Variants in TENM4 observed in about 807,000 individuals in gnomAD.
TENM4 encodes the protein teneurin-4.
Under a neutral mutation model 243.3 loss-of-function variants are expected in TENM4, and 82 were observed. The ratio of observed to expected loss-of-function variants is 0.34; its 90% CI spans 0.28 to 0.40. TENM4 has a LOEUF of 0.40. Among genes scored for constraint, TENM4 ranks in the 10% least tolerant of loss-of-function variants. TENM4 has a pLI of 1.00. For synonymous variants in TENM4, 1,412 were observed against 1,456.3 expected (o/e 0.97, Z 0.69); for missense variants, 3,138 against 3,673.3 (o/e 0.85, Z 3.77).
At chr11:78,962,316 G>C (rs1411741379) in intron 6 of TENM4, 1 of 3,034 alleles carries the variant, frequency 3.3e-4, no homozygotes, top group Non-Finnish European at 7.9e-4. Context: ...CTGCTCAATA[G>C]GGGTTGATGA....
Position 79,132,878 on chromosome 11 carries a change from A to G in TENM4, c.-66+15832T>C, listed in dbSNP as rs192705030. On this transcript the variant is annotated intron_variant, in intron 4 of 33. Transcript: ENST00000278550. Reference sequence around the variant, plus strand: ...AAGAGGAAAGTTCATAGCCCTAAACACCTACATCAAAAAACACTGAAAGAG... The same window carrying G: ...AAGAGGAAAGTTCATAGCCCTAAACGCCTACATCAAAAAACACTGAAAGAG... Among the ~76,000 whole-genome samples, 484 of 152,188 alleles carry G rather than the reference A, an allele frequency of 3.2e-3. 2 individuals are homozygous for G. Among genetic ancestry groups the G allele is most frequent in the African/African-American group, 0.011 (461 of 41,554 alleles).
intron 12 of TENM4, among the ~76,000 whole-genome samples, chr11:78,825,081 T>C (rs1303570180): frequency 6.6e-6 from 1 of 152,234 alleles, no homozygotes; most frequent in Non-Finnish European, 1.5e-5. Flanking sequence ...CAAGTCTCTA[T>C]TGACTCCACT....
intron 1 of TENM4, among the ~76,000 whole-genome samples, chr11:79,398,441 CCTG>C (rs1392670202): frequency 6.6e-6 from 1 of 152,010 alleles, no homozygotes; most frequent in Non-Finnish European, 1.5e-5. Context: ...ACTGCATGAC[CCTG>C]GGCAGACCAT....
At chr11:79,270,250 C>T (rs1024487972) in intron 2 of TENM4, among the ~76,000 whole-genome samples, 3 of 152,150 alleles carry the variant, frequency 2.0e-5, no homozygotes, top group African/African-American at 7.2e-5. Context: ...GTGTAACTGG[C>T]ACTTAGCACT....
intron 23 of TENM4, among the ~76,000 whole-genome samples, chr11:78,725,555 C>T (rs961986259): frequency 6.6e-6 from 1 of 152,206 alleles, no homozygotes; most frequent in Non-Finnish European, 1.5e-5. Flanking sequence ...TTGCTGTTCC[C>T]TTCATGTCAT....
chr11:79,322,098 A>T (rs1327015910), intron 1 of TENM4, among the ~76,000 whole-genome samples: 1 of 152,138 alleles, frequency 6.6e-6, no homozygotes, highest in Non-Finnish European at 1.5e-5. Context: ...CTCCTGCTAC[A>T]TCCCCTCTTG....
intron 2 of TENM4, among the ~76,000 whole-genome samples, chr11:79,293,755 C>G (rs980607789): frequency 6.6e-6 from 1 of 152,162 alleles, no homozygotes; most frequent in Non-Finnish European, 1.5e-5. Context: ...AGGCAGGACT[C>G]TGATGCTCAA....
At chr11:79,164,446 TA>T (rs988453260) in intron 3 of TENM4, among the ~76,000 whole-genome samples, 4 of 137,164 alleles carry the variant, frequency 2.9e-5, no homozygotes, top group Non-Finnish European at 6.1e-5. Flanking sequence ...ATGTACTATA[TA>T]GTATATATAG....
chr11:79,126,044 A>G (rs10793364), intron 4 of TENM4, among the ~76,000 whole-genome samples: 59,379 of 152,148 alleles, frequency 0.39, 11,846 homozygotes, highest in South Asian at 0.47. Flanking sequence ...ATTTGGGCCC[A>G]CTAAGTAGGG....
intron 15 of TENM4, among the ~76,000 whole-genome samples, chr11:78,802,800 TA>T (rs775248011): frequency 1.6e-4 from 24 of 152,246 alleles, no homozygotes; most frequent in Non-Finnish European, 2.9e-4. Flanking sequence ...ACAATACTTT[TA>T]AAGCTGCCTT....
rs185048298 is a variant in TENM4 at position 79,369,861 on chromosome 11, T to C, written c.-321+70648A>G. Among the ~76,000 whole-genome samples, 80 of 152,280 alleles carry C rather than the reference T, an allele frequency of 5.3e-4. 2 individuals are homozygous for C. Among genetic ancestry groups the C allele is most frequent in the Admixed American group, 9.1e-4 (14 of 15,302 alleles). ...ACCATGGTGGCAAACATCACCTTTA[T>C]TTGTGAAATTATTTAATAAATGGCT... On this transcript the variant is annotated intron_variant, in intron 1 of 33. Transcript: ENST00000278550.
In TENM4 at chr11:78,903,453, G is replaced by T; in HGVS notation, c.564C>A (p.Thr188=). The T allele has an allele frequency of 6.5e-7, 1 of 1,549,034 alleles. No homozygotes were observed. The highest frequency in any genetic ancestry group is 8.7e-7 in the Non-Finnish European group (1 of 1,145,834). The part of the protein sequence containing the change: ...TPPPPLSHAH[T]PNQHHAASIN... ...TGGAGGCCGCGTGGTGCTGGTTGGG[G>T]GTGTGGGCGTGCGAGAGCGGCGGCG... is the stretch of plus-strand genomic sequence containing the variant. The change falls in exon 7 of 34, where the codon ACC becomes ACA. Residue 188 remains threonine (T), a synonymous_variant. Coordinates refer to ENST00000278550, the MANE Select transcript of TENM4 (RefSeq NM_001098816.3).
chr11:79,117,302 TG>T (rs1221692594), intron 4 of TENM4, among the ~76,000 whole-genome samples: 1 of 152,158 alleles, frequency 6.6e-6, no homozygotes, highest in Non-Finnish European at 1.5e-5. Context: ...GAATTCTTTT[TG>T]TATTCAAGGG....
At chr11:79,389,698 T>G (rs913121808) in intron 1 of TENM4, among the ~76,000 whole-genome samples, 10 of 152,206 alleles carry the variant, frequency 6.6e-5, no homozygotes, top group African/African-American at 2.4e-4. Context: ...TTAAGCAAAC[T>G]CCAATTTGAA....
chr11:79,392,766 T>TTA (rs1382479478), intron 1 of TENM4, among the ~76,000 whole-genome samples: 3 of 152,212 alleles, frequency 2.0e-5, no homozygotes, highest in Non-Finnish European at 4.4e-5. Context: ...GACGTAGGGT[T>TTA]TAAGGTCTTC....
chr11:78,881,477 C>A (rs1855432311), intron 9 of TENM4, among the ~76,000 whole-genome samples: 1 of 152,160 alleles, frequency 6.6e-6, no homozygotes, highest in African/African-American at 2.4e-5. Context: ...AAGCAGCACT[C>A]TCAGCTGGCT....
intron 6 of TENM4, among the ~76,000 whole-genome samples, chr11:78,991,944 T>C (rs1338134024): frequency 2.0e-5 from 3 of 152,146 alleles, no homozygotes; most frequent in African/African-American, 7.2e-5. Context: ...TTTGAGAAAA[T>C]AGTTGTGTTT....
chr11:79,000,520 T>C (rs1468550161), intron 6 of TENM4, among the ~76,000 whole-genome samples: 1 of 152,180 alleles, frequency 6.6e-6, no homozygotes, highest in Non-Finnish European at 1.5e-5. Flanking sequence ...TCTTGGAGCA[T>C]AGTTTTCAGG....
chr11:79,003,087 TCA>T (rs1310967882), intron 6 of TENM4, among the ~76,000 whole-genome samples: 1 of 151,196 alleles, frequency 6.6e-6, no homozygotes, highest in Non-Finnish European at 1.5e-5. Context: ...CCAAAATAAC[TCA>T]GTCAGACAAA....
Sources: gnomAD v4.1 joint callset for allele counts (sites outside exome capture counted in the v4.1 genomes callset) on GRCh38, gnomAD v4.1.1 for gene constraint, MANE v1.5 for transcripts, NCBI Gene and HGNC (gene_info 2026-07-23, HGNC 2026-07-21) for gene names.